The following MMP11 variants were observed in gnomAD, a reference collection of about 807,000 sequenced individuals.
MMP11 encodes matrix metallopeptidase 11, also known as stromelysin-3.
Under a neutral mutation model 49.5 loss-of-function variants are expected in MMP11, and 26 were observed. The ratio of observed to expected loss-of-function variants is 0.52; its 90% CI spans 0.38 to 0.73. The LOEUF is 0.73. MMP11 is among the 30% of genes least tolerant of loss of function. The pLI, the probability that MMP11 is intolerant of heterozygous loss-of-function variation, is 0.00. For synonymous variants in MMP11, 265 were observed against 282.3 expected (o/e 0.94, Z 0.62); for missense variants, 624 against 671.2 (o/e 0.93, Z 0.78).
intron 1 of MMP11, among the ~76,000 whole-genome samples, chr22:23,778,811 CAGG>C (rs1276198408): frequency 6.6e-6 from 1 of 152,204 alleles, no homozygotes; most frequent in African/African-American, 2.4e-5. Context: ...CTGTGGGGAG[CAGG>C]AGGAGGTTGC....
At chr22:23,776,383 G>A (rs948833794) in intron 1 of MMP11, among the ~76,000 whole-genome samples, 2 of 152,216 alleles carry the variant, frequency 1.3e-5, no homozygotes, top group Admixed American at 6.5e-5. Context: ...TGGCGAGGAG[G>A]AGGAGGCAGG....
At chr22:23,773,065 G>T in intron 1 of MMP11, 87 bp downstream of exon 1, 2 of 1,086,874 alleles carry the variant, frequency 1.8e-6, no homozygotes, top group Non-Finnish European at 2.2e-6. Flanking sequence ...GGACCGAAGG[G>T]GGCGCCCCGG....
Position 23,783,669 on chromosome 22 carries a change from G to T in MMP11, c.*125G>T, listed in dbSNP as rs762375402. On this transcript the variant is annotated 3_prime_UTR_variant, in exon 8 of 8. Coordinates refer to ENST00000215743, the MANE Select transcript of MMP11 (RefSeq NM_005940.5). ...GGACTGAGCCCATGTCTCCTCAGGG[G>T]GATGGGGTGGGGTACAACCACCATG... 1.3e-5 allele frequency: 18 copies of T among 1,335,308 alleles called. No individual in the cohort carries two copies. Among genetic ancestry groups the T allele is most frequent in the Non-Finnish European group, 1.8e-5 (17 of 955,942 alleles). 82.7% of individuals were successfully genotyped at this position (1,335,308 alleles called of 1,614,324 possible). A position where few individuals can be genotyped will look rare whatever the true frequency, so the allele number is the denominator to read the frequency against.
chr22:23,779,700 C>G, intron 2 of MMP11: 1 of 512,778 alleles, frequency 2.0e-6, no homozygotes, highest in South Asian at 2.7e-5. Context: ...GTCACTCAGG[C>G]AGCCTTTACA....
At chr22:23,779,569 G>A (rs972468105) in intron 2 of MMP11, 153 bp downstream of exon 2, 17 of 693,948 alleles carry the variant, frequency 2.4e-5, no homozygotes, top group Non-Finnish European at 3.4e-5. Context: ...GTCATCTATG[G>A]GCAAACCCCC....
chr22:23,780,960 C>T lies in MMP11; in HGVS notation c.718C>T (p.Arg240Cys), dbSNP rs759875712. ...KALMSAFYTF[R>C]YPLSLSPDDC... ...CCTGATGTCCGCCTTCTACACCTTT[C>T]GCTACCCACTGAGTCTCAGCCCAGA... The change falls in exon 5 of 8, where the codon CGC becomes TGC. Residue 240 changes from arginine (R) to cysteine (C), a missense_variant. Coordinates refer to ENST00000215743, the MANE Select transcript of MMP11 (RefSeq NM_005940.5). The surrounding 1 kb of genome is among the most constrained non-coding windows in gnomAD (Gnocchi z 4.6). 1.6e-5 allele frequency: 26 copies of T among 1,613,726 alleles called. No homozygotes were observed. The highest frequency in any genetic ancestry group is 6.6e-5 in the South Asian group (6 of 91,086).
chr22:23,781,525 C>G, intron 6 of MMP11, 116 bp downstream of exon 6: 1 of 1,021,360 alleles, frequency 9.8e-7, no homozygotes. Context: ...AGAGCTGCCC[C>G]AAAGCCTGGG....
intron 7 of MMP11, chr22:23,782,733 A>C (rs1429792486): frequency 1.0e-4 from 60 of 580,614 alleles, no homozygotes; most frequent in Non-Finnish European, 3.1e-5. Flanking sequence ...TAGAACAATA[A>C]ACTGCTGTAC....
At chr22:23,773,840 C>A (rs544213094) in intron 1 of MMP11, among the ~76,000 whole-genome samples, 9 of 152,162 alleles carry the variant, frequency 5.9e-5, no homozygotes, top group Non-Finnish European at 1.2e-4. Context: ...GGGAAGGGAG[C>A]AGGAGGGTGT....
In MMP11 at chr22:23,781,287, GC is replaced by G; in HGVS notation, c.955del (p.Leu319SerfsTer65). On this transcript the variant is annotated frameshift_variant, in exon 6 of 8. Transcript: ENST00000215743. LOFTEE classifies it high-confidence loss of function. ...LFFFKAGFVW[R>X]LRGGQLQPGY... ...TTCTTCAAAGCGGGCTTTGTGTGGC[GC>G]CTCCGTGGGGGCCAGCTGCAGCCCG... 1.2e-6 allele frequency: 2 copies of G among 1,612,154 alleles called. No individual in the cohort carries two copies. Among genetic ancestry groups the G allele is most frequent in the Non-Finnish European group, 8.5e-7 (1 of 1,180,014 alleles).
At position 23,780,910 on chromosome 22, in the gene MMP11, TGCAGCACACAACA is replaced by T. The variant is rs1927597312; in HGVS notation, c.674_686del (p.His225ProfsTer4). The T allele has an allele frequency of 6.2e-7, 1 of 1,613,842 alleles. No homozygotes were observed. Among genetic ancestry groups the T allele is most frequent in the Non-Finnish European group, 8.5e-7 (1 of 1,180,022 alleles). On this transcript the variant is annotated frameshift_variant, in exon 5 of 8. Transcript: ENST00000215743. LOFTEE classifies it high-confidence loss of function. This position sits in a 1 kb window ranked among gnomAD's most constrained non-coding sequence, Gnocchi z 4.6. ...CATGAATTTGGCCACGTGCTGGGGCTGCAGCACACAACAGCAGCCAAGGCCCTGATGTCCGCCT... is the reference window on the plus strand; with the variant it reads ...CATGAATTTGGCCACGTGCTGGGGCTGCAGCCAAGGCCCTGATGTCCGCCT...
Position 23,781,303 on chromosome 22 carries a change from G to C in MMP11, c.969G>C (p.Gln323His), listed in dbSNP as rs5760010. ...TTGTGTGGCGCCTCCGTGGGGGCCAGCTGCAGCCCGGCTACCCAGCATTGG... is the reference window on the plus strand; with the variant it reads ...TTGTGTGGCGCCTCCGTGGGGGCCACCTGCAGCCCGGCTACCCAGCATTGG... ...AGFVWRLRGG[Q>H]LQPGYPALAS... The change falls in exon 6 of 8, where the codon CAG becomes CAC. Residue 323 changes from glutamine to histidine, a missense_variant. Physicochemically the swap from Gln to His is conservative, Grantham distance 24 (BLOSUM62 0). Transcript: ENST00000215743. The C allele has an allele frequency of 4.7e-5, 75 of 1,612,780 alleles. No homozygotes were observed. In the East Asian group the frequency reaches 1.1e-3, roughly 24 times the overall value.
rs564008211 is a variant in MMP11, at chr22:23,781,021, C to T, written c.779C>T (p.Pro260Leu). The change falls in exon 5 of 8, where the codon CCC becomes CTC. Residue 260 changes from proline (P) to leucine (L), a missense_variant. Coordinates refer to ENST00000215743, the MANE Select transcript of MMP11 (RefSeq NM_005940.5). Reference protein sequence around the residue: ...CRGVQHLYGQPWPTVTSRTPA... With the variant: ...CRGVQHLYGQLWPTVTSRTPA... ...GGCGTTCAACACCTATATGGCCAGC[C>T]CTGGCCCACTGTCACCTCCAGGACC... The T allele has an allele frequency of 4.2e-5, 67 of 1,612,714 alleles. No homozygotes were observed. In the East Asian group the frequency reaches 1.0e-3, roughly 25 times the overall value.
rs774638246 is a variant in MMP11, at chr22:23,781,182, T to A, written c.859-11T>A. 2.5e-6 allele frequency: 4 copies of A among 1,610,814 alleles called. No individual in the cohort carries two copies. In the Admixed American group the frequency reaches 5.0e-5, roughly 20 times the overall value. ...TATGCCCTCAGCATGTGTCCCTCTCTCCCACCCCAGCCAGACGCCCCGCCA... is the reference window on the plus strand; with the variant it reads ...TATGCCCTCAGCATGTGTCCCTCTCACCCACCCCAGCCAGACGCCCCGCCA... On this transcript the variant is annotated splice_polypyrimidine_tract_variant and intron_variant, in intron 5 of 7. Coordinates refer to ENST00000215743, the MANE Select transcript of MMP11 (RefSeq NM_005940.5).
At chr22:23,774,720 T>C (rs1366441370) in intron 1 of MMP11, among the ~76,000 whole-genome samples, 1 of 152,098 alleles carries the variant, frequency 6.6e-6, no homozygotes, top group African/African-American at 2.4e-5. Context: ...CTCGAAGTCT[T>C]GCCTCCCACC....
At chr22:23,773,095 A>G (rs1342268187) in intron 1 of MMP11, 117 bp downstream of exon 1, 24 of 1,036,176 alleles carry the variant, frequency 2.3e-5, no homozygotes, top group Admixed American at 5.4e-5. Flanking sequence ...AGCGCCCGGT[A>G]CCCGAAACGC....
In MMP11 at chr22:23,784,030, C is replaced by G. The variant is rs1210800690; in HGVS notation, c.*486C>G. Reference sequence around the variant, plus strand: ...TCCTGAGGTCAGGTCTTGGTAGGTGCCTGCATCTGTCTGCCTTCTGGCTGA... The same window carrying G: ...TCCTGAGGTCAGGTCTTGGTAGGTGGCTGCATCTGTCTGCCTTCTGGCTGA... On this transcript the variant is annotated 3_prime_UTR_variant, in exon 8 of 8. Coordinates refer to ENST00000215743, the MANE Select transcript of MMP11 (RefSeq NM_005940.5). 6.2e-6 allele frequency: 1 copy of G among 160,250 alleles called. No individual in the cohort carries two copies. Among genetic ancestry groups the G allele is most frequent in the African/African-American group, 2.4e-5 (1 of 41,802 alleles). 9.9% of individuals were successfully genotyped at this position (160,250 alleles called of 1,614,324 possible). A position where few individuals can be genotyped will look rare whatever the true frequency, so the allele number is the denominator to read the frequency against.
chr22:23,781,275 G>T lies in MMP11; in HGVS notation c.941G>T (p.Gly314Val). The change falls in exon 6 of 8, where the codon GGC becomes GTC. Residue 314 changes from glycine to valine, a missense_variant. Coordinates refer to ENST00000215743, the MANE Select transcript of MMP11 (RefSeq NM_005940.5). ...IRGELFFFKA[G>V]FVWRLRGGQL... ...GGCGAGCTCTTTTTCTTCAAAGCGG[G>T]CTTTGTGTGGCGCCTCCGTGGGGGC... The T allele has an allele frequency of 1.2e-6, 2 of 1,612,016 alleles. No individual in the cohort carries two copies. Among genetic ancestry groups the T allele is most frequent in the Non-Finnish European group, 1.7e-6 (2 of 1,180,028 alleles).
At chr22:23,774,576 A>C (rs986031601) in intron 1 of MMP11, among the ~76,000 whole-genome samples, 2 of 152,138 alleles carry the variant, frequency 1.3e-5, no homozygotes, top group South Asian at 4.2e-4. Flanking sequence ...TGAGAATAGG[A>C]AGATTAGGTG....
Sources: gnomAD v4.1 joint callset for allele counts (sites outside exome capture counted in the v4.1 genomes callset) on GRCh38, gnomAD v4.1.1 for gene constraint, Gnocchi (gnomAD v3.1) non-coding constraint, MANE v1.5 for transcripts, NCBI Gene and HGNC (gene_info 2026-07-23, HGNC 2026-07-21) for gene names.